WDHD1: variants seen among roughly 807,000 people sequenced by gnomAD.
WDHD1 encodes the protein WD repeat and HMG-box DNA-binding protein 1.
Under a neutral mutation model 135.4 loss-of-function variants are expected in WDHD1, and 111 were observed. That is an observed-to-expected ratio of 0.82 (90% CI 0.70 to 0.96). WDHD1 has a LOEUF of 0.96. WDHD1 is among the 40% of genes least tolerant of loss of function. WDHD1 has a pLI of 0.00. For synonymous variants in WDHD1, 434 were observed against 439.0 expected, an observed-to-expected ratio of 0.99 and a Z score of 0.14; for missense variants, 1,351 against 1,336.3, an observed-to-expected ratio of 1.01 and a Z score of -0.17.
At chr14:54,953,880 C>G (rs1162120302) in intron 24 of WDHD1, among the ~76,000 whole-genome samples, 1 of 152,050 alleles carries the variant, frequency 6.6e-6, no homozygotes, top group African/African-American at 2.4e-5. Flanking sequence ...GGACAAAAAA[C>G]CAAACACCGC....
rs968645062 is a variant in WDHD1 at position 55,008,664 on chromosome 14, G to A, written c.397C>T (p.Arg133Ter). 1.3e-5 allele frequency: 21 copies of A among 1,613,238 alleles called. No individual in the cohort carries two copies. Among genetic ancestry groups the A allele is most frequent in the East Asian group, 6.7e-5 (3 of 44,868 alleles). ...VMDSSQQKTF[R>*]GHDAPVLSLS... ...CTTAAAACAGGGGCATCATGTCCTC[G>A]AAATGTTTTCTGTTGGCTGCTATCC... Residue 133 changes from arginine to a stop codon, truncating the protein, a stop_gained, in exon 5 of 26, where the codon CGA becomes TGA. Coordinates refer to ENST00000360586, the MANE Select transcript of WDHD1 (RefSeq NM_007086.4). LOFTEE classifies it high-confidence loss of function.
intron 16 of WDHD1, 56 bp from the exon 17 acceptor site, chr14:54,967,450 C>T: frequency 7.4e-7 from 1 of 1,349,726 alleles, no homozygotes; most frequent in Non-Finnish European, 1.0e-6. Flanking sequence ...ATAAAAACTA[C>T]AAAATTTAAA....
Position 55,013,774 on chromosome 14 carries a change from T to C in WDHD1, c.78-178A>G, listed in dbSNP as rs532528183. Among the ~76,000 whole-genome samples, 24 of 152,176 alleles carry C rather than the reference T, an allele frequency of 1.6e-4. No individual in the cohort carries two copies. In the South Asian group the frequency reaches 5.0e-3, roughly 32 times the overall value. ...TTAAAAAATTAGCCAGGCATGGTTA[T>C]GTGTACCTGTAGTACCAGCTACTTG... is the stretch of plus-strand genomic sequence containing the variant. On this transcript the variant is annotated intron_variant, in intron 2 of 25. Coordinates refer to ENST00000360586, the MANE Select transcript of WDHD1 (RefSeq NM_007086.4).
At chr14:55,013,758 T>G (rs2042214575) in intron 2 of WDHD1, among the ~76,000 whole-genome samples, 162 bp from the exon 3 acceptor site, 1 of 152,076 alleles carries the variant, frequency 6.6e-6, no homozygotes, top group South Asian at 2.1e-4. Context: ...ATTAAAAAAT[T>G]AGCCAGGCAT....
chr14:54,941,280 A>G lies in WDHD1; in HGVS notation c.*210T>C. 5.0e-6 allele frequency: 2 copies of G among 403,396 alleles called. No individual in the cohort carries two copies. The highest frequency in any genetic ancestry group is 8.6e-6 in the Non-Finnish European group (2 of 231,938). 25.0% of individuals were successfully genotyped at this position (403,396 alleles called of 1,614,324 possible). A position where few individuals can be genotyped will look rare whatever the true frequency, so the allele number is the denominator to read the frequency against. On this transcript the variant is annotated 3_prime_UTR_variant, in exon 26 of 26. Transcript: ENST00000360586. The stretch of plus-strand genomic sequence containing the variant: ...ACAATGCATCTCTGAAAGGCCCTGC[A>G]TTTGGAGGCAGAGTAATCTGCAAAG...
intron 18 of WDHD1, among the ~76,000 whole-genome samples, chr14:54,963,986 C>T (rs2041299875): frequency 6.6e-6 from 1 of 151,768 alleles, no homozygotes; most frequent in Non-Finnish European, 1.5e-5. Flanking sequence ...CATGCACCTG[C>T]AGTCTTATCT....
At chr14:54,955,895 C>CAT (rs1281053966) in intron 23 of WDHD1, among the ~76,000 whole-genome samples, 12 of 110,096 alleles carry the variant, frequency 1.1e-4, no homozygotes, top group Non-Finnish European at 2.0e-4. Context: ...CCATGTTTTC[C>CAT]TTTTTTTTTT....
Position 55,013,703 on chromosome 14 carries a change from C to T in WDHD1, c.78-107G>A. 4 of 813,104 alleles carry T rather than the reference C, an allele frequency of 4.9e-6. No individual in the cohort carries two copies. The South Asian group carries it at 5.7e-5, about 12-fold the overall frequency. 50.4% of individuals were successfully genotyped at this position (813,104 alleles called of 1,614,324 possible). A position where few individuals can be genotyped will look rare whatever the true frequency, so the allele number is the denominator to read the frequency against. ...GGAGGATTGCTTGAGGCCAGGAGTT[C>T]AAGACTAGCCTGGATAATACAGAGA... On this transcript the variant is annotated intron_variant, in intron 2 of 25. Coordinates refer to ENST00000360586, the MANE Select transcript of WDHD1 (RefSeq NM_007086.4).
chr14:54,978,240 G>A (rs1010467361), intron 16 of WDHD1, among the ~76,000 whole-genome samples: 3 of 152,032 alleles, frequency 2.0e-5, no homozygotes, highest in African/African-American at 7.2e-5. Context: ...TCCTGAAAAT[G>A]GACATGCAAG....
chr14:54,997,953 T>C (rs2041913106), intron 10 of WDHD1, among the ~76,000 whole-genome samples: 1 of 151,290 alleles, frequency 6.6e-6, no homozygotes, highest in East Asian at 1.9e-4. Context: ...GGCCCATGTC[T>C]GTAACCCTAG....
intron 12 of WDHD1, among the ~76,000 whole-genome samples, chr14:54,989,715 A>G (rs1178236562): frequency 6.6e-6 from 1 of 151,272 alleles, no homozygotes; most frequent in African/African-American, 2.4e-5. Context: ...GCTGGAGTGC[A>G]GTGGCATGAT....
At chr14:54,991,612 C>A (rs1033191902) in intron 11 of WDHD1, among the ~76,000 whole-genome samples, 1 of 152,144 alleles carries the variant, frequency 6.6e-6, no homozygotes, top group African/African-American at 2.4e-5. Flanking sequence ...GGCAGTGGCA[C>A]CTAACTGTAT....
intron 10 of WDHD1, among the ~76,000 whole-genome samples, chr14:54,996,803 T>C (rs1329244741): frequency 6.6e-6 from 1 of 152,164 alleles, no homozygotes. Flanking sequence ...ATTTATTTAT[T>C]TTTTGACAGA....
intron 25 of WDHD1, among the ~76,000 whole-genome samples, chr14:54,943,760 C>T (rs987533825): frequency 2.0e-5 from 3 of 151,838 alleles, no homozygotes; most frequent in Non-Finnish European, 4.4e-5. Context: ...TTAAAACATA[C>T]AGGAACTTAT....
At position 54,939,413 on chromosome 14, in the gene WDHD1, T is replaced by C. The variant is rs2040808244; in HGVS notation, c.*2077A>G. 6.6e-6 allele frequency: 1 copy of C among 152,128 alleles called. No homozygotes were observed. Among genetic ancestry groups the C allele is most frequent in the Non-Finnish European group, 1.5e-5 (1 of 68,014 alleles). The allele number at this position is 152,128 out of a possible 1,614,324, so 9.4% of individuals were successfully genotyped here. A position where few individuals can be genotyped will look rare whatever the true frequency, so the allele number is the denominator to read the frequency against. On this transcript the variant is annotated 3_prime_UTR_variant, in exon 26 of 26. Coordinates refer to ENST00000360586, the MANE Select transcript of WDHD1 (RefSeq NM_007086.4). ...CTATTCACTTGTTCTCCAAAATAAA[T>C]CTGTAAAGTAACCTCCTGTGAGGAG... is the stretch of plus-strand genomic sequence containing the variant.
intron 24 of WDHD1, among the ~76,000 whole-genome samples, chr14:54,946,816 G>A (rs953625908): frequency 6.6e-6 from 1 of 152,176 alleles, no homozygotes; most frequent in African/African-American, 2.4e-5. Flanking sequence ...AGCCGAGATG[G>A]GCAAATCGCT....
intron 18 of WDHD1, 97 bp downstream of exon 18, chr14:54,966,378 G>C: frequency 5.1e-6 from 7 of 1,376,530 alleles, no homozygotes; most frequent in Non-Finnish European, 6.7e-6. Context: ...AAGAATCTTA[G>C]GTTGTGGGAC....
At chr14:54,974,178 TA>T in intron 16 of WDHD1, among the ~76,000 whole-genome samples, 1 of 151,094 alleles carries the variant, frequency 6.6e-6, no homozygotes, top group East Asian at 1.9e-4. Context: ...TCCCAGTACA[TA>T]AGGAGGCTGA....
chr14:54,999,404 T>C (rs2041943079), intron 10 of WDHD1, among the ~76,000 whole-genome samples: 1 of 152,216 alleles, frequency 6.6e-6, no homozygotes, highest in South Asian at 2.1e-4. Flanking sequence ...GAACACTCTA[T>C]GTGCTTATTA....
Sources: allele counts gnomAD v4.1 joint callset (sites outside exome capture counted in the v4.1 genomes callset), GRCh38; gene constraint gnomAD v4.1.1; transcripts MANE v1.5; gene names NCBI Gene and HGNC (gene_info 2026-07-23, HGNC 2026-07-21).